Variants in CSRNP3 observed in about 807,000 individuals in gnomAD.
CSRNP3 encodes cysteine/serine-rich nuclear protein 3.
In CSRNP3, 12 loss-of-function variants were observed where a neutral mutation model predicts 48.0. The observed-to-expected ratio is 0.25, with a 90% confidence interval of 0.16 to 0.41. The LOEUF (loss-of-function observed/expected upper bound fraction) is 0.41. CSRNP3 is among the 10% of genes least tolerant of loss of function. The probability of loss-of-function intolerance (pLI) is 1.00; values close to 1 mark genes in which losing one functional copy is unlikely to be tolerated. For missense variants in CSRNP3, 580 were observed against 724.4 expected, an observed-to-expected ratio of 0.80 and a Z score of 2.29; for synonymous variants, 263 against 269.7, an observed-to-expected ratio of 0.98 and a Z score of 0.24.
chr2:165,672,231 T>C (rs1372971922), intron 5 of CSRNP3, among the ~76,000 whole-genome samples: 1 of 152,196 alleles, frequency 6.6e-6, no homozygotes, highest in Non-Finnish European at 1.5e-5. Context: ...TCAGGTATCT[T>C]TACATCATCA....
chr2:165,631,211 T>G (rs1482917077), intron 4 of CSRNP3, among the ~76,000 whole-genome samples: 1 of 152,188 alleles, frequency 6.6e-6, no homozygotes, highest in African/African-American at 2.4e-5. Context: ...TTCGGCTCCC[T>G]GTGACTTATG....
intron 3 of CSRNP3, among the ~76,000 whole-genome samples, chr2:165,586,852 A>C (rs1346811124): frequency 6.6e-6 from 1 of 152,238 alleles, no homozygotes. Context: ...CCATTCTTCC[A>C]CAGGCATTAA....
intron 2 of CSRNP3, among the ~76,000 whole-genome samples, chr2:165,517,217 G>A (rs970703588): frequency 5.3e-5 from 8 of 151,898 alleles, no homozygotes; most frequent in Admixed American, 1.3e-4. Context: ...ATTACTGCCC[G>A]GGTTTCATCA....
At chr2:165,576,521 T>A (rs976234090) in intron 3 of CSRNP3, among the ~76,000 whole-genome samples, 2 of 151,980 alleles carry the variant, frequency 1.3e-5, no homozygotes, top group Non-Finnish European at 2.9e-5. Flanking sequence ...GGAGAAAACG[T>A]GATAATAGAC....
chr2:165,584,951 C>T (rs561317259), intron 3 of CSRNP3, among the ~76,000 whole-genome samples: 1 of 152,246 alleles, frequency 6.6e-6, no homozygotes. Context: ...TTGTGTTGGG[C>T]CGCATTCAAA....
chr2:165,574,414 G>C, intron 3 of CSRNP3: 1 of 1,549,396 alleles, frequency 6.5e-7, no homozygotes, highest in Non-Finnish European at 8.7e-7. Flanking sequence ...TGCCGTAGTC[G>C]TTATATAGTG....
At chr2:165,487,968 A>G (rs2105454224) in intron 1 of CSRNP3, among the ~76,000 whole-genome samples, 1 of 137,638 alleles carries the variant, frequency 7.3e-6, no homozygotes, top group Non-Finnish European at 1.6e-5. Context: ...ATGTAAATGG[A>G]CTAAATTCTC....
At chr2:165,525,488 CTTTT>C (rs766376805) in intron 3 of CSRNP3, among the ~76,000 whole-genome samples, 1 of 133,890 alleles carries the variant, frequency 7.5e-6, no homozygotes, top group Non-Finnish European at 1.6e-5. Flanking sequence ...TCTTCTTCTT[CTTTT>C]TTTTTTTTTT....
chr2:165,546,285 T>A (rs187733217), intron 3 of CSRNP3, among the ~76,000 whole-genome samples: 243 of 152,152 alleles, frequency 1.6e-3, no homozygotes, highest in African/African-American at 5.4e-3. Flanking sequence ...TCTGTTCAAT[T>A]GGGTTCAAGC....
intron 3 of CSRNP3, among the ~76,000 whole-genome samples, chr2:165,584,952 C>T (rs369414516): frequency 3.9e-5 from 6 of 152,208 alleles, no homozygotes; most frequent in African/African-American, 1.2e-4. Context: ...TGTGTTGGGC[C>T]GCATTCAAAG....
intron 3 of CSRNP3, among the ~76,000 whole-genome samples, chr2:165,544,610 A>G (rs1270316819): frequency 6.6e-6 from 1 of 152,118 alleles, no homozygotes; most frequent in Non-Finnish European, 1.5e-5. Context: ...TTGATTCTGA[A>G]TATATTTTGA....
chr2:165,525,480 T>C (rs890791528), intron 3 of CSRNP3, among the ~76,000 whole-genome samples: 2 of 150,800 alleles, frequency 1.3e-5, no homozygotes, highest in Non-Finnish European at 2.9e-5. Flanking sequence ...CTTTTTTTTC[T>C]TCTTCTTCTT....
chr2:165,543,456 A>G (rs1030227492), intron 3 of CSRNP3, among the ~76,000 whole-genome samples: 2 of 152,200 alleles, frequency 1.3e-5, no homozygotes, highest in Non-Finnish European at 2.9e-5. Context: ...AGTTATTACC[A>G]CATTTCCAAT....
intron 4 of CSRNP3, among the ~76,000 whole-genome samples, chr2:165,622,751 A>C (rs776599278): frequency 1.2e-4 from 19 of 152,236 alleles, no homozygotes; most frequent in Non-Finnish European, 2.1e-4. Flanking sequence ...GTTCTTACTC[A>C]TACCCATTAG....
At chr2:165,667,923 T>C (rs1235787209) in intron 5 of CSRNP3, among the ~76,000 whole-genome samples, 1 of 152,236 alleles carries the variant, frequency 6.6e-6, no homozygotes, top group Non-Finnish European at 1.5e-5. Flanking sequence ...ACTCCATACC[T>C]AGTACAGTGC....
intron 3 of CSRNP3, among the ~76,000 whole-genome samples, chr2:165,542,657 T>G (rs1211755331): frequency 6.6e-6 from 1 of 152,164 alleles, no homozygotes; most frequent in Admixed American, 6.6e-5. Flanking sequence ...TGCCCACTAT[T>G]AATAGTGATC....
chr2:165,677,120 A>G (rs2105364076), intron 6 of CSRNP3, among the ~76,000 whole-genome samples: 1 of 152,350 alleles, frequency 6.6e-6, no homozygotes, highest in South Asian at 2.1e-4. Context: ...CCACTGGGTT[A>G]CTTTCTTTAT....
intron 4 of CSRNP3, among the ~76,000 whole-genome samples, chr2:165,599,279 GAGAGAGAA>G (rs773600102): frequency 0.1 from 7,465 of 72,790 alleles, 227 homozygotes; most frequent in Middle Eastern, 0.25. Flanking sequence ...AAGAAAGAGA[GAGAGAGAA>G]AGAAAGAAAG....
chr2:165,492,522 G>A (rs1303603860), intron 1 of CSRNP3, among the ~76,000 whole-genome samples: 1 of 151,824 alleles, frequency 6.6e-6, no homozygotes, highest in Non-Finnish European at 1.5e-5. Context: ...TTACCTCTTG[G>A]TGGAGTGACA....
Sources: allele counts gnomAD v4.1 joint callset (sites outside exome capture counted in the v4.1 genomes callset), GRCh38; gene constraint gnomAD v4.1.1; transcripts MANE v1.5; gene names NCBI Gene and HGNC (gene_info 2026-07-23, HGNC 2026-07-21).